The following MLLT3 variants were observed in gnomAD, a reference collection of about 807,000 sequenced individuals.
MLLT3 encodes the protein protein AF-9.
MLLT3 carries 4 observed loss-of-function variants against 53.2 expected under a neutral mutation model. That is an observed-to-expected ratio of 0.08 (90% CI 0.04 to 0.17). The LOEUF (loss-of-function observed/expected upper bound fraction) is 0.17, where lower values mean the gene tolerates loss of function less well. Among genes scored for constraint, MLLT3 ranks in the 10% least tolerant of loss-of-function variants. The probability of loss-of-function intolerance (pLI) is 1.00; values close to 1 mark genes in which losing one functional copy is unlikely to be tolerated. For missense variants in MLLT3, 569 were observed against 684.0 expected, an observed-to-expected ratio of 0.83 and a Z score of 1.87; for synonymous variants, 283 against 230.6, an observed-to-expected ratio of 1.23 and a Z score of -2.06.
intron 2 of MLLT3, among the ~76,000 whole-genome samples, chr9:20,504,099 T>C (rs113480471): frequency 6.6e-6 from 1 of 152,174 alleles, no homozygotes; most frequent in African/African-American, 2.4e-5. Context: ...CACTGTATAC[T>C]GTTGGTGGGA....
At chr9:20,466,083 T>C (rs1425857968) in intron 2 of MLLT3, among the ~76,000 whole-genome samples, 3 of 152,150 alleles carry the variant, frequency 2.0e-5, no homozygotes, top group Non-Finnish European at 2.9e-5. Flanking sequence ...AACTGAACAG[T>C]GGAAGGACTC....
At chr9:20,587,224 T>A (rs1233765714) in intron 2 of MLLT3, among the ~76,000 whole-genome samples, 3 of 147,982 alleles carry the variant, frequency 2.0e-5, no homozygotes, top group Admixed American at 1.3e-4. Context: ...TAGGTTCATA[T>A]CTGCAAAGGG....
At chr9:20,421,247 G>A (rs1054446811) in intron 4 of MLLT3, among the ~76,000 whole-genome samples, 2 of 152,064 alleles carry the variant, frequency 1.3e-5, no homozygotes, top group African/African-American at 4.8e-5. Context: ...CTGGGCAATA[G>A]AGCAAGACTC....
At chr9:20,571,516 G>A (rs373247142) in intron 2 of MLLT3, among the ~76,000 whole-genome samples, 57 of 152,176 alleles carry the variant, frequency 3.7e-4, no homozygotes, top group African/African-American at 1.2e-3. Context: ...AGGTATACAC[G>A]TGCCATGGTG....
rs997713406 is a variant in MLLT3, at chr9:20,621,614, C to T, written c.12+631G>A. Among the ~76,000 whole-genome samples, 5 of 152,236 alleles carry T rather than the reference C, an allele frequency of 3.3e-5. No individual in the cohort carries two copies. The highest frequency in any genetic ancestry group is 1.2e-4 in the African/African-American group (5 of 41,550). On this transcript the variant is annotated intron_variant, in intron 1 of 10. Transcript: ENST00000380338. The surrounding 1 kb of genome is among the most constrained non-coding windows in gnomAD (Gnocchi z 7.0). Reference sequence around the variant, plus strand: ...GCTCCAAAGTATCTCCCACCTCCCCCCAAAAAATGAAATTCAGAAAGGCAG... The same window carrying T: ...GCTCCAAAGTATCTCCCACCTCCCCTCAAAAAATGAAATTCAGAAAGGCAG...
At chr9:20,433,587 G>A (rs1823331281) in intron 4 of MLLT3, among the ~76,000 whole-genome samples, 1 of 152,062 alleles carries the variant, frequency 6.6e-6, no homozygotes, top group African/African-American at 2.4e-5. Flanking sequence ...ATGTGATGTG[G>A]TTCAATGAGA....
chr9:20,573,959 G>A (rs1018439493), intron 2 of MLLT3, among the ~76,000 whole-genome samples: 1 of 152,150 alleles, frequency 6.6e-6, no homozygotes, highest in African/African-American at 2.4e-5. Flanking sequence ...TTGGGTTTGA[G>A]AAAGTATAGA....
At chr9:20,547,401 T>C (rs1563811846) in intron 2 of MLLT3, among the ~76,000 whole-genome samples, 2 of 151,894 alleles carry the variant, frequency 1.3e-5, no homozygotes, top group Non-Finnish European at 2.9e-5. Flanking sequence ...CCCAGCACTC[T>C]GGGAGGCCGA....
chr9:20,573,585 T>C (rs1402631666), intron 2 of MLLT3, among the ~76,000 whole-genome samples: 2 of 152,176 alleles, frequency 1.3e-5, no homozygotes, highest in Non-Finnish European at 2.9e-5. Context: ...AAGTTAATGT[T>C]TAAAGTAGAT....
At position 20,350,334 on chromosome 9, in the gene MLLT3, G is replaced by A. The variant is rs568021006; in HGVS notation, c.1575+3191C>T. Among the ~76,000 whole-genome samples, 27 of 152,270 alleles carry A rather than the reference G, an allele frequency of 1.8e-4. No homozygotes were observed. The East Asian group carries it at 2.7e-3, about 15-fold the overall frequency. ...CAGGCGGCCGGGCGCGGTGGCTCAC[G>A]CCTGTAATCCCAGCACTTTGGGAGG... On this transcript the variant is annotated intron_variant, in intron 10 of 10. Coordinates refer to ENST00000380338, the MANE Select transcript of MLLT3 (RefSeq NM_004529.4).
intron 2 of MLLT3, among the ~76,000 whole-genome samples, chr9:20,511,680 A>C (rs867149782): frequency 6.6e-6 from 1 of 152,170 alleles, no homozygotes; most frequent in Non-Finnish European, 1.5e-5. Context: ...TCCCTAAGAA[A>C]ATATGTAAGA....
intron 2 of MLLT3, among the ~76,000 whole-genome samples, chr9:20,482,386 G>C (rs1204688378): frequency 1.3e-5 from 2 of 152,102 alleles, no homozygotes; most frequent in Non-Finnish European, 2.9e-5. Flanking sequence ...ACTTTGCAAT[G>C]GTCATCCACT....
chr9:20,511,985 G>T (rs1817762537), intron 2 of MLLT3, among the ~76,000 whole-genome samples: 1 of 152,112 alleles, frequency 6.6e-6, no homozygotes, highest in South Asian at 2.1e-4. Flanking sequence ...TCCCTGAGTA[G>T]GAGAGGCATA....
chr9:20,402,292 G>T (rs1469586202), intron 5 of MLLT3, among the ~76,000 whole-genome samples: 2 of 152,146 alleles, frequency 1.3e-5, no homozygotes, highest in Admixed American at 1.3e-4. Context: ...GACCACAATG[G>T]GTTGAGGAAT....
At chr9:20,441,406 T>C (rs1823548737) in intron 4 of MLLT3, among the ~76,000 whole-genome samples, 1 of 152,144 alleles carries the variant, frequency 6.6e-6, no homozygotes, top group Non-Finnish European at 1.5e-5. Context: ...GAGATCGACA[T>C]TACATTTGGA....
chr9:20,397,138 G>C (rs1822340722), intron 5 of MLLT3, among the ~76,000 whole-genome samples: 1 of 152,144 alleles, frequency 6.6e-6, no homozygotes, highest in South Asian at 2.1e-4. Context: ...ATAGCTGTTA[G>C]AACGCAGGAG....
At chr9:20,559,431 G>C (rs748755053) in intron 2 of MLLT3, among the ~76,000 whole-genome samples, 1 of 152,084 alleles carries the variant, frequency 6.6e-6, no homozygotes, top group African/African-American at 2.4e-5. Flanking sequence ...GAGGGGTGGG[G>C]GCATTTTACA....
intron 4 of MLLT3, among the ~76,000 whole-genome samples, chr9:20,435,760 A>G (rs1254926962): frequency 6.6e-6 from 1 of 152,190 alleles, no homozygotes; most frequent in East Asian, 1.9e-4. Flanking sequence ...AGGGAACTTC[A>G]ATCTATGAAG....
At chr9:20,377,919 T>C (rs913059042) in intron 5 of MLLT3, among the ~76,000 whole-genome samples, 2 of 152,056 alleles carry the variant, frequency 1.3e-5, no homozygotes, top group African/African-American at 2.4e-5. Context: ...GGACTACTGA[T>C]AGTTGCAAGG....
Sources: gnomAD v4.1 joint callset for allele counts (sites outside exome capture counted in the v4.1 genomes callset) on GRCh38, gnomAD v4.1.1 for gene constraint, Gnocchi (gnomAD v3.1) non-coding constraint, MANE v1.5 for transcripts, NCBI Gene and HGNC (gene_info 2026-07-23, HGNC 2026-07-21) for gene names.